Variants in BCL2 observed in about 807,000 individuals in gnomAD.
The protein encoded by BCL2 is apoptosis regulator Bcl-2.
In BCL2, 1 loss-of-function variant was observed where a neutral mutation model predicts 14.2. The ratio of observed to expected loss-of-function variants is 0.07; its 90% CI spans 0.02 to 0.33. BCL2 has a LOEUF of 0.33. Ranked by LOEUF, BCL2 falls within the 10% of genes least tolerant of loss-of-function variation. The pLI, the probability that BCL2 is intolerant of heterozygous loss-of-function variation, is 0.99. For missense variants in BCL2, 247 were observed against 305.9 expected, an observed-to-expected ratio of 0.81 and a Z score of 1.44; for synonymous variants, 151 against 137.2, an observed-to-expected ratio of 1.10 and a Z score of -0.70.
chr18:63,262,899 G>A lies in BCL2; in HGVS notation c.585+55183C>T, dbSNP rs137999386. Reference sequence around the variant, plus strand: ...CTGTTCTCAGATGTTTAATACAAAGGAGAGATTGTTGTGCCAGGGAACAAA... The same window carrying A: ...CTGTTCTCAGATGTTTAATACAAAGAAGAGATTGTTGTGCCAGGGAACAAA... On this transcript the variant is annotated intron_variant, in intron 2 of 2. Coordinates refer to ENST00000333681, the MANE Select transcript of BCL2 (RefSeq NM_000633.3). Among the ~76,000 whole-genome samples the A allele has an allele frequency of 1.5e-3, 231 of 152,286 alleles. 1 individual carries two copies. The highest frequency in any genetic ancestry group is 5.2e-3 in the African/African-American group (218 of 41,552).
intron 2 of BCL2, among the ~76,000 whole-genome samples, chr18:63,297,200 G>A (rs1254187341): frequency 6.6e-6 from 1 of 151,520 alleles, no homozygotes; most frequent in Non-Finnish European, 1.5e-5. Context: ...GCGACACAGC[G>A]AAACTCTGTC....
intron 2 of BCL2, among the ~76,000 whole-genome samples, chr18:63,153,598 G>T (rs934763093): frequency 4.6e-5 from 7 of 152,164 alleles, no homozygotes; most frequent in Non-Finnish European, 1.0e-4. Flanking sequence ...CTCAATACCT[G>T]TATATTATCA....
At chr18:63,130,190 C>G (rs776015067) in intron 2 of BCL2, among the ~76,000 whole-genome samples, 5 of 152,188 alleles carry the variant, frequency 3.3e-5, no homozygotes, top group African/African-American at 7.2e-5. Flanking sequence ...ATATATAAAT[C>G]AGTAAATGAA....
At chr18:63,179,025 A>C (rs759312913) in intron 2 of BCL2, among the ~76,000 whole-genome samples, 1 of 152,236 alleles carries the variant, frequency 6.6e-6, no homozygotes, top group African/African-American at 2.4e-5. Context: ...AAATAATAAT[A>C]AAATAAAGCA....
intron 2 of BCL2, among the ~76,000 whole-genome samples, chr18:63,238,263 T>TCA (rs1910896058): frequency 6.6e-6 from 1 of 152,208 alleles, no homozygotes; most frequent in Non-Finnish European, 1.5e-5. Context: ...CTAAGGCCTG[T>TCA]GAACGGCATC....
chr18:63,244,802 G>A (rs1234330191), intron 2 of BCL2, among the ~76,000 whole-genome samples: 1 of 152,160 alleles, frequency 6.6e-6, no homozygotes, highest in Non-Finnish European at 1.5e-5. Flanking sequence ...CCCGCTTTGG[G>A]CCTCTGTGGA....
chr18:63,224,627 G>A (rs1234488725), intron 2 of BCL2, among the ~76,000 whole-genome samples: 1 of 152,154 alleles, frequency 6.6e-6, no homozygotes, highest in Non-Finnish European at 1.5e-5. Context: ...TGTCTCTCAG[G>A]GATCCATTTT....
intron 2 of BCL2, among the ~76,000 whole-genome samples, chr18:63,310,039 T>A (rs1231545190): frequency 6.6e-6 from 1 of 151,924 alleles, no homozygotes; most frequent in Non-Finnish European, 1.5e-5. Flanking sequence ...ATTTTTCTAT[T>A]TTTAGTAGAG....
chr18:63,274,954 A>T (rs1378344037), intron 2 of BCL2, among the ~76,000 whole-genome samples: 1 of 152,180 alleles, frequency 6.6e-6, no homozygotes, highest in East Asian at 1.9e-4. Context: ...ACGGGCCCAA[A>T]CACCTATTGA....
intron 2 of BCL2, among the ~76,000 whole-genome samples, chr18:63,290,896 C>T (rs1912625804): frequency 1.3e-5 from 2 of 152,156 alleles, no homozygotes; most frequent in East Asian, 1.9e-4. Flanking sequence ...TCATCCCACT[C>T]GGCCCTCTTT....
In BCL2 at chr18:63,202,175, G is replaced by A. The variant is rs182112605; in HGVS notation, c.586-73416C>T. Among the ~76,000 whole-genome samples the A allele has an allele frequency of 3.3e-5, 5 of 152,192 alleles. No homozygotes were observed. The East Asian group carries it at 9.6e-4, about 29-fold the overall frequency. On this transcript the variant is annotated intron_variant, in intron 2 of 2. Transcript: ENST00000333681. ...AATACAAAAATTAGCCAGGCATGGT[G>A]GTGCATGCCTGTAATCCCAGGTACT... is the stretch of plus-strand genomic sequence containing the variant.
At chr18:63,166,591 G>A (rs1915050798) in intron 2 of BCL2, among the ~76,000 whole-genome samples, 1 of 152,184 alleles carries the variant, frequency 6.6e-6, no homozygotes, top group Admixed American at 6.5e-5. Context: ...AAATTATTTA[G>A]GAGACAAACA....
intron 2 of BCL2, among the ~76,000 whole-genome samples, chr18:63,137,650 A>C (rs1307367322): frequency 1.3e-5 from 2 of 152,138 alleles, no homozygotes; most frequent in East Asian, 3.8e-4. Flanking sequence ...CTGACTGGTC[A>C]GTGTCCCTGC....
chr18:63,204,815 A>C (rs1909789968), intron 2 of BCL2, among the ~76,000 whole-genome samples: 1 of 152,194 alleles, frequency 6.6e-6, no homozygotes, highest in Non-Finnish European at 1.5e-5. Flanking sequence ...CCATGATAAG[A>C]TCTTACATGG....
chr18:63,158,552 A>G (rs1313288809), intron 2 of BCL2, among the ~76,000 whole-genome samples: 1 of 152,076 alleles, frequency 6.6e-6, no homozygotes, highest in Non-Finnish European at 1.5e-5. Context: ...CCCCCCACGA[A>G]GCTGTGCTGG....
At chr18:63,194,870 G>A (rs1307585326) in intron 2 of BCL2, among the ~76,000 whole-genome samples, 2 of 152,214 alleles carry the variant, frequency 1.3e-5, no homozygotes, top group Non-Finnish European at 2.9e-5. Flanking sequence ...TATAAGGCTT[G>A]CCTTGGACTC....
intron 2 of BCL2, among the ~76,000 whole-genome samples, chr18:63,137,468 G>T (rs1172283004): frequency 2.0e-5 from 3 of 152,216 alleles, no homozygotes; most frequent in African/African-American, 7.2e-5. Flanking sequence ...CTATATGGCA[G>T]ATTTTTCAAA....
At chr18:63,316,355 G>A (rs1373809755) in intron 2 of BCL2, 1 of 152,146 alleles carries the variant, frequency 6.6e-6, no homozygotes, top group Non-Finnish European at 1.5e-5. Context: ...TCACAAAAAT[G>A]TGAAATAGTA....
At position 63,189,500 on chromosome 18, in the gene BCL2, T is replaced by C. The variant is rs1599233547; in HGVS notation, c.586-60741A>G. On this transcript the variant is annotated intron_variant, in intron 2 of 2. Coordinates refer to ENST00000333681, the MANE Select transcript of BCL2 (RefSeq NM_000633.3). ...TATGTAGGAAGAGCTCCCCCACCCCTAAAAGAAAAAAGCAAAAGTAAACCA... is the reference window on the plus strand; with the variant it reads ...TATGTAGGAAGAGCTCCCCCACCCCCAAAAGAAAAAAGCAAAAGTAAACCA... Among the ~76,000 whole-genome samples the C allele has an allele frequency of 2.0e-5, 3 of 152,150 alleles. No homozygotes were observed. In the South Asian group the frequency reaches 6.2e-4, roughly 32 times the overall value.
Sources: gnomAD v4.1 joint callset for allele counts (sites outside exome capture counted in the v4.1 genomes callset) on GRCh38, gnomAD v4.1.1 for gene constraint, MANE v1.5 for transcripts, NCBI Gene and HGNC (gene_info 2026-07-23, HGNC 2026-07-21) for gene names.